Variants in NACC2 observed in about 807,000 individuals in gnomAD.
The protein encoded by NACC2 is nucleus accumbens-associated protein 2.
NACC2 carries 8 observed loss-of-function variants against 25.1 expected under a neutral mutation model. The ratio of observed to expected loss-of-function variants is 0.32; its 90% CI spans 0.19 to 0.57. The LOEUF (loss-of-function observed/expected upper bound fraction) is 0.57. Among genes scored for constraint, NACC2 ranks in the 20% least tolerant of loss-of-function variants. NACC2 has a pLI of 0.89. For missense variants in NACC2, 644 were observed against 650.2 expected (o/e 0.99, Z 0.10); for synonymous variants, 435 against 294.7 (o/e 1.48, Z -4.88).
chr9:136,007,370 CACACAT>C lies in NACC2; in HGVS notation c.*4140_*4145del, dbSNP rs1840030667. 6.6e-6 allele frequency: 1 copy of C among 152,270 alleles called. No homozygotes were observed. The highest frequency in any genetic ancestry group is 2.4e-5 in the African/African-American group (1 of 41,290). The allele number at this position is 152,270 out of a possible 1,614,324, so 9.4% of individuals were successfully genotyped here. ...GTGCACACACACAGACACACGCGTG[CACACAT>C]ACACAGACACGCGTGCAGAGACACG... On this transcript the variant is annotated 3_prime_UTR_variant, in exon 6 of 6. Coordinates refer to ENST00000277554, the MANE Select transcript of NACC2 (RefSeq NM_144653.5).
chr9:136,028,832 G>A (rs550363249), intron 2 of NACC2, among the ~76,000 whole-genome samples: 25 of 152,342 alleles, frequency 1.6e-4, no homozygotes, highest in Admixed American at 9.8e-4. Flanking sequence ...TCCGATTTTG[G>A]AGCAAAGTTG....
Position 136,050,310 on chromosome 9 carries a change from C to T in NACC2, c.212G>A (p.Gly71Asp). 5.4e-6 allele frequency: 4 copies of T among 740,898 alleles called. No homozygotes were observed. Among genetic ancestry groups the T allele is most frequent in the Non-Finnish European group, 7.5e-6 (3 of 402,668 alleles). 45.9% of individuals were successfully genotyped at this position (740,898 alleles called of 1,614,324 possible). ...CTGGAAGCAGGCGGGCGGCACGGAG[C>T]CGGGCAGCTCGAAGGCGCTCTTGCT... The part of the protein sequence containing the change: ...GNSKSAFELP[G>D]SVPPACFQQI... Residue 71 changes from glycine to aspartate, a missense_variant, in exon 2 of 6, where the codon GGC becomes GAC. Transcript: ENST00000277554.
intron 2 of NACC2, among the ~76,000 whole-genome samples, chr9:136,049,088 T>C (rs1840773893): frequency 6.6e-6 from 1 of 152,178 alleles, no homozygotes; most frequent in Admixed American, 6.5e-5. Flanking sequence ...CAACCTGGGT[T>C]TGTGGGGCCC....
In NACC2 at chr9:136,011,741, G is replaced by T. The variant is rs749941648; in HGVS notation, c.1539C>A (p.Ala513=). The change falls in exon 6 of 6, where the codon GCC becomes GCA. Residue 513 remains alanine, a synonymous_variant. Transcript: ENST00000277554. ...AATIVALRTD[A]VNVDLSAAAN... ...CGGCGGCACTCAGGTCAACATTCAC[G>T]GCGTCAGTTCTCAGAGCCACGATGG... 1.3e-6 allele frequency: 2 copies of T among 1,538,424 alleles called. No homozygotes were observed. The highest frequency in any genetic ancestry group is 1.7e-6 in the Non-Finnish European group (2 of 1,142,962).
chr9:136,049,027 G>C (rs1840772908), intron 2 of NACC2, among the ~76,000 whole-genome samples: 1 of 152,370 alleles, frequency 6.6e-6, no homozygotes, highest in African/African-American at 2.4e-5. Context: ...ACTCTGCCCA[G>C]CAAAGCCTGA....
At chr9:136,067,070 C>T (rs1841093499) in intron 1 of NACC2, among the ~76,000 whole-genome samples, 1 of 151,878 alleles carries the variant, frequency 6.6e-6, no homozygotes, top group Non-Finnish European at 1.5e-5. Flanking sequence ...CGGCAAGCAA[C>T]ATGTCGAAAC....
rs1840236293 is a variant in NACC2 at position 136,018,474 on chromosome 9, C to T, written c.887-2045G>A. ...CAGCAGGTGTTCCACTCCTGAGAAC[C>T]ATGCGGGGTCTGAAACCACCCACCC... On this transcript the variant is annotated intron_variant, in intron 2 of 5. Coordinates refer to ENST00000277554, the MANE Select transcript of NACC2 (RefSeq NM_144653.5). The surrounding 1 kb of genome is among the most constrained non-coding windows in gnomAD (Gnocchi z 4.4). Among the ~76,000 whole-genome samples the T allele has an allele frequency of 6.6e-6, 1 of 152,100 alleles. No individual in the cohort carries two copies. Among genetic ancestry groups the T allele is most frequent in the African/African-American group, 2.4e-5 (1 of 41,402 alleles).
At chr9:136,082,355 G>C (rs767492843) in intron 1 of NACC2, among the ~76,000 whole-genome samples, 1 of 152,262 alleles carries the variant, frequency 6.6e-6, no homozygotes, top group African/African-American at 2.4e-5. Flanking sequence ...GCCACGTGCT[G>C]AGCCGGCGGA....
chr9:136,075,914 G>A (rs1359994594), intron 1 of NACC2, among the ~76,000 whole-genome samples: 4 of 152,176 alleles, frequency 2.6e-5, no homozygotes, highest in Admixed American at 6.6e-5. Flanking sequence ...GAGCAGCCCC[G>A]CAGCCCTCCA....
chr9:136,027,233 C>T (rs1295300609), intron 2 of NACC2, among the ~76,000 whole-genome samples: 1 of 151,678 alleles, frequency 6.6e-6, no homozygotes, highest in Non-Finnish European at 1.5e-5. Context: ...TCAAAACAAA[C>T]AAAAAAAATT....
At chr9:136,039,044 G>C (rs12004030) in intron 2 of NACC2, among the ~76,000 whole-genome samples, 21,513 of 152,216 alleles carry the variant, frequency 0.14, 1,820 homozygotes, top group South Asian at 0.2. Context: ...CTGTTAGACT[G>C]CATAAAAATG....
At chr9:136,021,362 G>C (rs555247810) in intron 2 of NACC2, among the ~76,000 whole-genome samples, 1 of 152,184 alleles carries the variant, frequency 6.6e-6, no homozygotes, top group East Asian at 1.9e-4. Flanking sequence ...TAAAAACACC[G>C]ACGCCAAGTG....
At chr9:136,094,954 G>C (rs1195438347) in intron 1 of NACC2, among the ~76,000 whole-genome samples, 1 of 146,596 alleles carries the variant, frequency 6.8e-6, no homozygotes, top group East Asian at 2.0e-4. Flanking sequence ...CCTCCGCCGG[G>C]ACCCCCCGGC....
chr9:136,091,810 C>T (rs1830436190), intron 1 of NACC2, among the ~76,000 whole-genome samples: 1 of 151,236 alleles, frequency 6.6e-6, no homozygotes, highest in Admixed American at 6.6e-5. Context: ...AGAGCCAGGG[C>T]TGGTGAGAGC....
chr9:136,070,142 G>GT (rs1841132445), intron 1 of NACC2, among the ~76,000 whole-genome samples: 1 of 151,810 alleles, frequency 6.6e-6, no homozygotes, highest in Non-Finnish European at 1.5e-5. Flanking sequence ...CGTAACAAAG[G>GT]TAACAGGGAA....
chr9:136,076,789 A>G (rs1414570767), intron 1 of NACC2, among the ~76,000 whole-genome samples: 1 of 152,060 alleles, frequency 6.6e-6, no homozygotes, highest in East Asian at 1.9e-4. Context: ...TGGGTGGATC[A>G]TGAGGTCAGG....
rs1041648322 is a variant in NACC2, at chr9:136,018,841, C to T, written c.887-2412G>A. On this transcript the variant is annotated intron_variant, in intron 2 of 5. Transcript: ENST00000277554. This position sits in a 1 kb window ranked among gnomAD's most constrained non-coding sequence, Gnocchi z 4.4. ...CGGTGCAGCCTGCTGTGATTACACA[C>T]GCGGAGAAGCCGCACGGTGCGTGGC... Among the ~76,000 whole-genome samples the T allele has an allele frequency of 9.9e-5, 15 of 152,190 alleles. No individual in the cohort carries two copies. Among genetic ancestry groups the T allele is most frequent in the East Asian group, 1.9e-4 (1 of 5,188 alleles).
chr9:136,059,172 G>T (rs1191669775), intron 1 of NACC2, among the ~76,000 whole-genome samples: 1 of 152,212 alleles, frequency 6.6e-6, no homozygotes, highest in Non-Finnish European at 1.5e-5. Flanking sequence ...ACATCTGGGG[G>T]CAAAACTGCC....
At position 136,013,581 on chromosome 9, in the gene NACC2, GGTTCT is replaced by G; in HGVS notation, c.1157+278_1157+282del. On this transcript the variant is annotated intron_variant, in intron 4 of 5. Coordinates refer to ENST00000277554, the MANE Select transcript of NACC2 (RefSeq NM_144653.5). This position sits in a 1 kb window ranked among gnomAD's most constrained non-coding sequence, Gnocchi z 6.6. ...AGGAAGCCGCTGTGTCCTCGGGAAG[GGTTCT>G]GTTGGCCCATCAGCACAACAGAATA... 6.6e-6 allele frequency among the ~76,000 whole-genome samples: 1 copy of G among 152,222 alleles called. No individual in the cohort carries two copies. The highest frequency in any genetic ancestry group is 6.5e-5 in the Admixed American group (1 of 15,292).
Sources: gnomAD v4.1 joint callset for allele counts (sites outside exome capture counted in the v4.1 genomes callset) on GRCh38, gnomAD v4.1.1 for gene constraint, Gnocchi (gnomAD v3.1) non-coding constraint, MANE v1.5 for transcripts, NCBI Gene and HGNC (gene_info 2026-07-23, HGNC 2026-07-21) for gene names.